Variants in UNC13C observed in about 807,000 individuals in gnomAD.
The protein encoded by UNC13C is unc-13 homolog C.
In UNC13C, 174 loss-of-function variants were observed where a neutral mutation model predicts 245.4. The ratio of observed to expected loss-of-function variants is 0.71; its 90% CI spans 0.63 to 0.80. UNC13C has a LOEUF of 0.80. UNC13C is among the 30% of genes least tolerant of loss of function. UNC13C has a pLI of 0.00. For synonymous variants in UNC13C, 992 were observed against 895.1 expected (o/e 1.11, Z -1.93); for missense variants, 2,829 against 2,602.9 (o/e 1.09, Z -1.89).
chr15:54,544,046 A>G (rs1353633346), intron 26 of UNC13C, among the ~76,000 whole-genome samples: 1 of 152,230 alleles, frequency 6.6e-6, no homozygotes, highest in Non-Finnish European at 1.5e-5. Flanking sequence ...AAAATCCTCA[A>G]TAAAATACTG....
intron 1 of UNC13C, among the ~76,000 whole-genome samples, chr15:53,979,490 G>A (rs1242883466): frequency 7.0e-6 from 1 of 143,178 alleles, no homozygotes; most frequent in Non-Finnish European, 1.6e-5. Flanking sequence ...TAAATTGTGT[G>A]CTTGGTTCTG....
chr15:53,943,167 T>C, the UNC13C span, among the ~76,000 whole-genome samples: 4 of 151,452 alleles, frequency 2.6e-5, no homozygotes, highest in African/African-American at 4.9e-5. Flanking sequence ...GGTCAAAAAA[T>C]TTAATGAACT....
At chr15:54,336,538 C>T (rs1347603212) in intron 16 of UNC13C, among the ~76,000 whole-genome samples, 10 of 151,564 alleles carry the variant, frequency 6.6e-5, no homozygotes, top group African/African-American at 2.2e-4. Flanking sequence ...ACCAACATCA[C>T]AAAGAGGTTT....
intron 10 of UNC13C, among the ~76,000 whole-genome samples, chr15:54,285,610 C>A (rs1006923492): frequency 8.5e-5 from 13 of 152,268 alleles, no homozygotes; most frequent in Non-Finnish European, 1.3e-4. Context: ...ATGGCTCTGG[C>A]AGGAGGTTTC....
chr15:53,981,156 T>C (rs1173878843), intron 1 of UNC13C, among the ~76,000 whole-genome samples: 2 of 152,212 alleles, frequency 1.3e-5, no homozygotes, highest in Non-Finnish European at 2.9e-5. Context: ...CTTTCATTTC[T>C]GTTAACCTTT....
chr15:54,556,964 C>A (rs1338858800), intron 29 of UNC13C, among the ~76,000 whole-genome samples: 3 of 151,954 alleles, frequency 2.0e-5, no homozygotes, highest in Admixed American at 1.3e-4. Context: ...TTGATGGGGC[C>A]AGATGATCAC....
At chr15:54,422,618 C>T (rs2040671386) in intron 19 of UNC13C, among the ~76,000 whole-genome samples, 1 of 151,856 alleles carries the variant, frequency 6.6e-6, no homozygotes, top group Admixed American at 6.6e-5. Context: ...CAAATGTCTT[C>T]CCACACCAGG....
chr15:54,312,804 G>A (rs2037909914), intron 13 of UNC13C, among the ~76,000 whole-genome samples: 1 of 151,874 alleles, frequency 6.6e-6, no homozygotes, highest in South Asian at 2.1e-4. Flanking sequence ...GACATTGGAA[G>A]GTTTCTAGAA....
intron 1 of UNC13C, among the ~76,000 whole-genome samples, chr15:53,988,765 T>C (rs1894256716): frequency 6.6e-6 from 1 of 151,944 alleles, no homozygotes; most frequent in Admixed American, 6.6e-5. Context: ...CTACTGTTTG[T>C]TGAAATTGCT....
the UNC13C span, among the ~76,000 whole-genome samples, chr15:53,915,240 A>G: frequency 1.3e-5 from 2 of 152,204 alleles, no homozygotes; most frequent in Non-Finnish European, 2.9e-5. Context: ...AATATGTCCT[A>G]TGTGTCCTCA....
In UNC13C at chr15:54,532,985, G is replaced by T. The variant is rs1318929085; in HGVS notation, c.5615G>T (p.Gly1872Val). The T allele has an allele frequency of 2.5e-6, 4 of 1,599,876 alleles. No homozygotes were observed. The East Asian group carries it at 9.0e-5, about 36-fold the overall frequency. The change falls in exon 26 of 33, where the codon GGA (glycine) becomes GTA (valine). Residue 1872 changes from glycine to valine, a missense_variant. Transcript: ENST00000260323. ...GAACTAAATCAAATGAGAGCAAATG[G>T]AAACACCACATCTAATAAGAACAGT... Reference protein sequence around the residue: ...SFELNQMRANGNTTSNKNSAA... With the variant: ...SFELNQMRANVNTTSNKNSAA...
chr15:54,147,601 A>G (rs2032322704), intron 4 of UNC13C, among the ~76,000 whole-genome samples: 1 of 152,156 alleles, frequency 6.6e-6, no homozygotes, highest in South Asian at 2.1e-4. Context: ...TTTAATTAGA[A>G]TAACACTCCT....
chr15:54,396,730 A>G (rs1567237707), intron 18 of UNC13C, among the ~76,000 whole-genome samples: 1 of 151,474 alleles, frequency 6.6e-6, no homozygotes, highest in Admixed American at 6.6e-5. Flanking sequence ...TAACAGGCAT[A>G]TATTATCTAA....
intron 18 of UNC13C, among the ~76,000 whole-genome samples, chr15:54,409,203 T>A (rs576725069): frequency 1.1e-3 from 166 of 152,270 alleles, no homozygotes; most frequent in Non-Finnish European, 1.5e-3. Context: ...TGATTTTTTT[T>A]AAATTTCCCT....
intron 4 of UNC13C, among the ~76,000 whole-genome samples, chr15:54,195,136 C>G (rs2034310679): frequency 6.6e-6 from 1 of 151,300 alleles, no homozygotes; most frequent in African/African-American, 2.4e-5. Flanking sequence ...GAATTTCAAT[C>G]CCCATGATCT....
At chr15:54,612,708 T>C (rs1035503738) in intron 30 of UNC13C, among the ~76,000 whole-genome samples, 1 of 152,154 alleles carries the variant, frequency 6.6e-6, no homozygotes, top group Non-Finnish European at 1.5e-5. Flanking sequence ...CATGTGTTAT[T>C]GTTGCAAACG....
chr15:54,453,479 C>A (rs1321012370), intron 19 of UNC13C, among the ~76,000 whole-genome samples: 1 of 152,164 alleles, frequency 6.6e-6, no homozygotes, highest in Admixed American at 6.5e-5. Context: ...AATATTCCAC[C>A]AAATCCATAA....
intron 19 of UNC13C, among the ~76,000 whole-genome samples, chr15:54,463,435 G>A (rs1459985285): frequency 6.6e-6 from 1 of 151,846 alleles, no homozygotes; most frequent in Admixed American, 6.6e-5. Context: ...TTTATGAGCT[G>A]TAACACTCAC....
rs111855046 is a variant in UNC13C, at chr15:54,435,474, A to G, written c.4933+20407A>G. Among the ~76,000 whole-genome samples the G allele has an allele frequency of 4.0e-3, 603 of 152,086 alleles. 4 individuals carry two copies. The highest frequency in any genetic ancestry group is 0.014 in the African/African-American group (579 of 41,518). On this transcript the variant is annotated intron_variant, in intron 19 of 32. Coordinates refer to ENST00000260323, the MANE Select transcript of UNC13C (RefSeq NM_001080534.3). ...CTATCATTCTCAGCAAACTAACACA[A>G]GAACAGAAAACTAAACACCATATGT...
Sources: allele counts gnomAD v4.1 joint callset (sites outside exome capture counted in the v4.1 genomes callset), GRCh38; gene constraint gnomAD v4.1.1; transcripts MANE v1.5; gene names NCBI Gene and HGNC (gene_info 2026-07-23, HGNC 2026-07-21).